UMAD1: variants seen among roughly 807,000 people sequenced by gnomAD.
UMAD1 encodes UBAP1-MVB12-associated (UMA) domain containing 1.
UMAD1 carries 8 observed loss-of-function variants against 6.1 expected under a neutral mutation model. The observed-to-expected ratio is 1.30, with a 90% CI of 0.76 to 2.35. The LOEUF (loss-of-function observed/expected upper bound fraction) is 2.35. Ranked by LOEUF, UMAD1 falls within the 30% of genes most tolerant of loss-of-function variation. The pLI, the probability that UMAD1 is intolerant of heterozygous loss-of-function variation, is 0.00. For missense variants in UMAD1, 130 were observed against 78.4 expected, an observed-to-expected ratio of 1.66 and a Z score of -2.49; for synonymous variants, 56 against 31.4, an observed-to-expected ratio of 1.78 and a Z score of -2.61.
At chr7:7,766,082 A>G (rs2115236957) in intron 2 of UMAD1, among the ~76,000 whole-genome samples, 1 of 152,320 alleles carries the variant, frequency 6.6e-6, no homozygotes, top group East Asian at 1.9e-4. Context: ...GATATGGCAG[A>G]TAGAACCGAA....
At chr7:7,780,882 A>G (rs1402799331) in intron 2 of UMAD1, among the ~76,000 whole-genome samples, 1 of 152,154 alleles carries the variant, frequency 6.6e-6, no homozygotes, top group African/African-American at 2.4e-5. Context: ...ATTCCTATGT[A>G]ATATTCCATT....
intron 2 of UMAD1, among the ~76,000 whole-genome samples, chr7:7,769,878 G>A (rs573806910): frequency 2.6e-5 from 4 of 152,236 alleles, no homozygotes; most frequent in African/African-American, 9.6e-5. Flanking sequence ...TAGCCCATCA[G>A]CACCATGATC....
chr7:7,684,206 A>AT lies in UMAD1; in HGVS notation c.82+10767dup, dbSNP rs112128125. ...CCTGTACATGTTTAGCACAGATGCA[A>AT]TTTTTTTTTTTTTTGAGACAGTGTC... is the stretch of plus-strand genomic sequence containing the variant. On this transcript the variant is annotated intron_variant, in intron 2 of 3. Coordinates refer to ENST00000682710, the MANE Select transcript of UMAD1 (RefSeq NM_001302348.2). Among the ~76,000 whole-genome samples the AT allele has an allele frequency of 3.7e-3, 538 of 144,638 alleles. 1 individual carries two copies. The highest frequency in any genetic ancestry group is 7.2e-3 in the African/African-American group (287 of 39,676). The allele number at this position is 144,638 out of a possible 152,430, so 94.9% of individuals were successfully genotyped here. A position where few individuals can be genotyped will look rare whatever the true frequency, so the allele number is the denominator to read the frequency against.
chr7:7,722,489 G>T (rs1430668493), intron 2 of UMAD1, among the ~76,000 whole-genome samples: 4 of 152,148 alleles, frequency 2.6e-5, no homozygotes, highest in African/African-American at 9.7e-5. Flanking sequence ...GAGACAAGGG[G>T]TTTAGTGACT....
At chr7:7,722,181 G>A (rs545397303) in intron 2 of UMAD1, among the ~76,000 whole-genome samples, 1 of 146,422 alleles carries the variant, frequency 6.8e-6, no homozygotes, top group African/African-American at 2.6e-5. Flanking sequence ...GTATATATAT[G>A]TATATCTATA....
At chr7:7,835,021 T>C (rs139104090) in intron 3 of UMAD1, among the ~76,000 whole-genome samples, 110 of 152,274 alleles carry the variant, frequency 7.2e-4, no homozygotes, top group African/African-American at 2.5e-3. Context: ...AAGAACAGCA[T>C]GGGGGAGACT....
intron 2 of UMAD1, chr7:7,718,523 G>T (rs1417425624): frequency 6.6e-6 from 1 of 152,200 alleles, no homozygotes; most frequent in Non-Finnish European, 1.5e-5. Flanking sequence ...ACAAAATTAA[G>T]ACGATTGTAA....
intron 2 of UMAD1, among the ~76,000 whole-genome samples, chr7:7,786,238 G>T (rs1782458674): frequency 6.6e-6 from 1 of 152,174 alleles, no homozygotes; most frequent in Admixed American, 6.5e-5. Flanking sequence ...CATCTTGAAT[G>T]GTTCCTCAGT....
chr7:7,693,706 A>G (rs747345358), intron 2 of UMAD1, among the ~76,000 whole-genome samples: 22 of 152,114 alleles, frequency 1.4e-4, no homozygotes, highest in Admixed American at 2.6e-4. Flanking sequence ...CTTTATTACA[A>G]TTTTAATAAT....
At chr7:7,641,171 TC>T (rs1308589900) in intron 1 of UMAD1, 3 of 152,292 alleles carry the variant, frequency 2.0e-5, no homozygotes, top group Admixed American at 6.5e-5. Context: ...CTCCACTTTC[TC>T]CACCTGTAAG....
intron 2 of UMAD1, among the ~76,000 whole-genome samples, chr7:7,779,739 T>G (rs1186546401): frequency 6.6e-6 from 1 of 152,048 alleles, no homozygotes; most frequent in Non-Finnish European, 1.5e-5. Flanking sequence ...CCACCTCCTG[T>G]GCTCAAGGGA....
intron 2 of UMAD1, among the ~76,000 whole-genome samples, chr7:7,753,161 G>T (rs1781710589): frequency 6.6e-6 from 1 of 151,996 alleles, no homozygotes. Context: ...TACATAGTAG[G>T]TGTATATATT....
chr7:7,756,062 T>C (rs1402441382), intron 2 of UMAD1, among the ~76,000 whole-genome samples: 2 of 152,094 alleles, frequency 1.3e-5, no homozygotes, highest in African/African-American at 2.4e-5. Context: ...ACTCAAGAAA[T>C]AGGGAGACTT....
At chr7:7,829,849 A>G (rs949155268) in intron 3 of UMAD1, among the ~76,000 whole-genome samples, 2 of 152,154 alleles carry the variant, frequency 1.3e-5, no homozygotes, top group Non-Finnish European at 2.9e-5. Context: ...CCCTCAAGTC[A>G]TGTGTGACTG....
intron 2 of UMAD1, among the ~76,000 whole-genome samples, chr7:7,775,696 T>C (rs1782191715): frequency 6.6e-6 from 1 of 152,198 alleles, no homozygotes; most frequent in South Asian, 2.1e-4. Context: ...TTGCACATAT[T>C]GCTGGTGGGA....
At chr7:7,654,033 G>A (rs901732866) in intron 1 of UMAD1, among the ~76,000 whole-genome samples, 5 of 152,126 alleles carry the variant, frequency 3.3e-5, no homozygotes, top group Non-Finnish European at 7.4e-5. Flanking sequence ...ATTCCGTTCT[G>A]TTTTTCATAT....
intron 3 of UMAD1, among the ~76,000 whole-genome samples, chr7:7,837,461 G>A (rs533601110): frequency 6.6e-5 from 10 of 152,226 alleles, no homozygotes; most frequent in African/African-American, 1.4e-4. Context: ...CAACAACTCC[G>A]TAGAGAAGTG....
intron 3 of UMAD1, among the ~76,000 whole-genome samples, chr7:7,868,864 A>T (rs2115338853): frequency 6.6e-6 from 1 of 152,308 alleles, no homozygotes; most frequent in East Asian, 1.9e-4. Context: ...TTTTAAAATC[A>T]AGTCTGAGTG....
intron 3 of UMAD1, among the ~76,000 whole-genome samples, chr7:7,816,322 T>G (rs539603126): frequency 4.6e-5 from 7 of 152,226 alleles, no homozygotes; most frequent in Non-Finnish European, 1.0e-4. Context: ...CTGTTTCACT[T>G]TGCTTCTCTT....
Sources: allele counts gnomAD v4.1 joint callset (sites outside exome capture counted in the v4.1 genomes callset), GRCh38; gene constraint gnomAD v4.1.1; transcripts MANE v1.5; gene names NCBI Gene and HGNC (gene_info 2026-07-23, HGNC 2026-07-21).